The following MAD1L1 variants were observed in gnomAD, a reference collection of about 807,000 sequenced individuals.
The protein encoded by MAD1L1 is mitotic spindle assembly checkpoint protein MAD1.
Under a neutral mutation model 96.9 loss-of-function variants are expected in MAD1L1, and 95 were observed. The ratio of observed to expected loss-of-function variants is 0.98; its 90% CI spans 0.83 to 1.16. The LOEUF is 1.16. MAD1L1 is among the 50% of genes most tolerant of loss of function. The probability of loss-of-function intolerance (pLI) is 0.00; values close to 1 mark genes in which losing one functional copy is unlikely to be tolerated. For synonymous variants in MAD1L1, 473 were observed against 396.6 expected (o/e 1.19, Z -2.29); for missense variants, 1,007 against 954.4 (o/e 1.06, Z -0.73).
intron 11 of MAD1L1, chr7:2,080,003 T>C: frequency 3.2e-6 from 1 of 308,256 alleles, no homozygotes; most frequent in South Asian, 2.7e-5. Flanking sequence ...AAGGAGACCA[T>C]CCGTGCGTCC....
intron 12 of MAD1L1, among the ~76,000 whole-genome samples, chr7:2,016,768 A>G (rs930398874): frequency 3.3e-5 from 5 of 152,278 alleles, no homozygotes; most frequent in Admixed American, 2.6e-4. Flanking sequence ...TCAAAATTCA[A>G]TAAGTGAGAA....
chr7:1,855,631 G>A lies in MAD1L1; in HGVS notation c.1999-39403C>T, dbSNP rs147904565. On this transcript the variant is annotated intron_variant, in intron 18 of 18. Transcript: ENST00000265854. ...CGGCCTCCTCAGAGCGGCCTTGTCC[G>A]TGCCCCCTCCTAAGATTCTGGGAGC... 1.3e-4 allele frequency among the ~76,000 whole-genome samples: 20 copies of A among 152,092 alleles called. No homozygotes were observed. In the East Asian group the frequency reaches 1.6e-3, roughly 12 times the overall value.
At chr7:2,150,399 C>T (rs1789514193) in intron 10 of MAD1L1, among the ~76,000 whole-genome samples, 1 of 152,160 alleles carries the variant, frequency 6.6e-6, no homozygotes, top group Admixed American at 6.5e-5. Flanking sequence ...AGACTCTGCC[C>T]TGAGACAGCC....
At chr7:2,018,479 G>A (rs147093500) in intron 12 of MAD1L1, among the ~76,000 whole-genome samples, 248 of 152,294 alleles carry the variant, frequency 1.6e-3, no homozygotes, top group African/African-American at 5.6e-3. Context: ...GGGCAGGCGC[G>A]TCCCGCACGA....
At chr7:1,872,011 G>T (rs1785138038) in intron 18 of MAD1L1, among the ~76,000 whole-genome samples, 1 of 152,178 alleles carries the variant, frequency 6.6e-6, no homozygotes, top group African/African-American at 2.4e-5. Context: ...TCCAGGCTCT[G>T]CTGTGTTCCA....
chr7:2,002,372 C>T (rs1442734343), intron 13 of MAD1L1, among the ~76,000 whole-genome samples: 1 of 152,166 alleles, frequency 6.6e-6, no homozygotes, highest in Non-Finnish European at 1.5e-5. Flanking sequence ...TTCACAGAAC[C>T]AAGGTCCATT....
Position 1,868,388 on chromosome 7 carries a change from C to T in MAD1L1, c.1998+29812G>A, listed in dbSNP as rs187178431. On this transcript the variant is annotated intron_variant, in intron 18 of 18. Coordinates refer to ENST00000265854, the MANE Select transcript of MAD1L1 (RefSeq NM_001013836.2). ...TGCCGCCCAGCACACACCACGCTTC[C>T]CGGGCTGCTCCCACGCAGGCCGCGC... Among the ~76,000 whole-genome samples, 978 of 152,242 alleles carry T rather than the reference C, an allele frequency of 6.4e-3. 9 individuals are homozygous for T. The highest frequency in any genetic ancestry group is 0.022 in the African/African-American group (928 of 41,548).
chr7:1,841,248 A>G (rs568937310), intron 18 of MAD1L1, among the ~76,000 whole-genome samples: 379 of 152,258 alleles, frequency 2.5e-3, no homozygotes, highest in African/African-American at 8.8e-3. Flanking sequence ...AGACTTTGAG[A>G]ATTTCGTCTC....
At chr7:1,909,466 C>A (rs1047706759) in intron 17 of MAD1L1, among the ~76,000 whole-genome samples, 2 of 152,222 alleles carry the variant, frequency 1.3e-5, no homozygotes, top group African/African-American at 4.8e-5. Context: ...GGGCATGGGG[C>A]ATTGCAGTGG....
chr7:1,912,210 C>T (rs4721186), intron 17 of MAD1L1, among the ~76,000 whole-genome samples: 149,726 of 152,342 alleles, frequency 0.98, 73,624 homozygotes, highest in Middle Eastern at 1. Flanking sequence ...CCGTGTGTGT[C>T]AGCAGTGGAA....
rs577911551 is a variant in MAD1L1 at position 2,009,674 on chromosome 7, C to T, written c.1359+4828G>A. Among the ~76,000 whole-genome samples the T allele has an allele frequency of 8.7e-4, 132 of 152,274 alleles. 1 individual carries two copies. Among genetic ancestry groups the T allele is most frequent in the Admixed American group, 1.4e-3 (21 of 15,298 alleles). ...GAGCACACAACAGGCAGTCAGTGCA[C>T]GGTCAGGGGCTCCACTGCAGCCCCT... is the stretch of plus-strand genomic sequence containing the variant. On this transcript the variant is annotated intron_variant, in intron 13 of 18. Coordinates refer to ENST00000265854, the MANE Select transcript of MAD1L1 (RefSeq NM_001013836.2).
chr7:1,907,621 G>A (rs1016769529), intron 17 of MAD1L1, among the ~76,000 whole-genome samples: 1 of 152,214 alleles, frequency 6.6e-6, no homozygotes, highest in African/African-American at 2.4e-5. Flanking sequence ...GTGCGTTCAC[G>A]GACAAGTCAC....
intron 16 of MAD1L1, among the ~76,000 whole-genome samples, chr7:1,955,652 C>T (rs1467852675): frequency 1.3e-5 from 2 of 152,128 alleles, no homozygotes; most frequent in South Asian, 2.1e-4. Flanking sequence ...ACACCCAGCA[C>T]GGTGACAACA....
chr7:1,971,452 A>G (rs1296451399), intron 15 of MAD1L1, among the ~76,000 whole-genome samples: 2 of 152,204 alleles, frequency 1.3e-5, no homozygotes, highest in South Asian at 4.1e-4. Flanking sequence ...CTATACATTA[A>G]GACTTACAAA....
intron 16 of MAD1L1, among the ~76,000 whole-genome samples, chr7:1,954,774 G>A (rs1779654083): frequency 1.3e-5 from 2 of 152,204 alleles, no homozygotes; most frequent in East Asian, 1.9e-4. Context: ...CATCTAGAGA[G>A]GGGGCGCCAG....
At chr7:2,139,309 C>G (rs1168692235) in intron 11 of MAD1L1, among the ~76,000 whole-genome samples, 4 of 151,816 alleles carry the variant, frequency 2.6e-5, no homozygotes, top group Non-Finnish European at 5.9e-5. Context: ...CCCACCCTAG[C>G]TCACGGGACC....
At chr7:1,901,748 G>A (rs899681747) in intron 17 of MAD1L1, among the ~76,000 whole-genome samples, 1 of 152,184 alleles carries the variant, frequency 6.6e-6, no homozygotes, top group Admixed American at 6.5e-5. Context: ...ACCGTAGGGA[G>A]GCCTTGAGCC....
intron 18 of MAD1L1, among the ~76,000 whole-genome samples, chr7:1,889,793 A>G (rs1786424375): frequency 6.6e-6 from 1 of 152,150 alleles, no homozygotes; most frequent in South Asian, 2.1e-4. Context: ...TCACCTTCTA[A>G]GCAAGCATGG....
In MAD1L1 at chr7:2,069,234, A is replaced by C; in HGVS notation, c.1178T>G (p.Leu393Arg). Reference protein sequence around the residue: ...ERKKRETHEALARRLQKRVLL... With the variant: ...ERKKRETHEARARRLQKRVLL... Reference sequence around the variant, plus strand: ...GACCCGTTTCTGGAGCCTCCGGGCCAGCGCCTCGTGGGTCTCGCGCTTCTT... The same window carrying C: ...GACCCGTTTCTGGAGCCTCCGGGCCCGCGCCTCGTGGGTCTCGCGCTTCTT... Residue 393 changes from leucine to arginine, a missense_variant, in exon 12 of 19, where the codon CTG becomes CGG. Coordinates refer to ENST00000265854, the MANE Select transcript of MAD1L1 (RefSeq NM_001013836.2). The C allele has an allele frequency of 1.2e-6, 2 of 1,610,924 alleles. No individual in the cohort carries two copies. The highest frequency in any genetic ancestry group is 1.7e-6 in the Non-Finnish European group (2 of 1,178,886).
Sources: gnomAD v4.1 joint callset for allele counts (sites outside exome capture counted in the v4.1 genomes callset) on GRCh38, gnomAD v4.1.1 for gene constraint, MANE v1.5 for transcripts, NCBI Gene and HGNC (gene_info 2026-07-23, HGNC 2026-07-21) for gene names.